Variants in WWOX observed in about 807,000 individuals in gnomAD.
WWOX encodes the protein WW domain containing oxidoreductase, also known as WW domain-containing oxidoreductase.
Under a neutral mutation model 46.2 loss-of-function variants are expected in WWOX, and 69 were observed. That is an observed-to-expected ratio of 1.49 (90% confidence interval 1.23 to 1.82). WWOX has a LOEUF of 1.82. Ranked by LOEUF, WWOX falls within the 40% of genes most tolerant of loss-of-function variation. WWOX has a pLI of 0.00. For synonymous variants in WWOX, 359 were observed against 202.6 expected (o/e 1.77, Z -6.56); for missense variants, 919 against 542.6 (o/e 1.69, Z -6.89).
intron 8 of WWOX, among the ~76,000 whole-genome samples, chr16:79,039,071 A>G (rs1389772464): frequency 6.6e-6 from 1 of 152,134 alleles, no homozygotes; most frequent in Non-Finnish European, 1.5e-5. Flanking sequence ...TAAATTTAAC[A>G]TGGATAAACT....
chr16:78,749,537 C>G (rs534865261), intron 8 of WWOX, among the ~76,000 whole-genome samples: 1 of 151,980 alleles, frequency 6.6e-6, no homozygotes, highest in Non-Finnish European at 1.5e-5. Flanking sequence ...TTGTTTTACC[C>G]TAGGGCTATG....
At chr16:78,710,488 A>ATATATATATATATATATATATATATATT (rs2048418795) in intron 8 of WWOX, among the ~76,000 whole-genome samples, 2 of 133,652 alleles carry the variant, frequency 1.5e-5, no homozygotes, top group Non-Finnish European at 3.2e-5. Context: ...ATATATATAT[A>ATATATATATATATATATATATATATATT]TATATATATA....
chr16:78,375,208 T>A (rs148199754), intron 5 of WWOX, among the ~76,000 whole-genome samples: 2 of 152,346 alleles, frequency 1.3e-5, no homozygotes, highest in African/African-American at 4.8e-5. Context: ...TTCTCAAGCG[T>A]GACGATACTG....
At chr16:78,864,589 C>T (rs1222873634) in intron 8 of WWOX, among the ~76,000 whole-genome samples, 1 of 151,680 alleles carries the variant, frequency 6.6e-6, no homozygotes, top group African/African-American at 2.4e-5. Flanking sequence ...CTTTTTGAAA[C>T]AGGGCTGCAC....
chr16:79,186,806 G>A (rs1321302459), intron 8 of WWOX, among the ~76,000 whole-genome samples: 1 of 151,956 alleles, frequency 6.6e-6, no homozygotes, highest in African/African-American at 2.4e-5. Flanking sequence ...AGGAAACTGG[G>A]GGTCAGGGAA....
intron 8 of WWOX, among the ~76,000 whole-genome samples, chr16:79,193,147 G>T (rs1377330330): frequency 6.6e-6 from 1 of 152,168 alleles, no homozygotes; most frequent in African/African-American, 2.4e-5. Context: ...GGTGCTTTCT[G>T]CTGGAATCTC....
At chr16:79,095,096 G>T (rs144087264) in intron 8 of WWOX, among the ~76,000 whole-genome samples, 119 of 152,236 alleles carry the variant, frequency 7.8e-4, no homozygotes, top group African/African-American at 2.8e-3. Flanking sequence ...CCCCAGCCCC[G>T]TTCTATTGCA....
intron 8 of WWOX, among the ~76,000 whole-genome samples, chr16:78,919,143 G>A (rs889155343): frequency 1.3e-5 from 2 of 152,066 alleles, no homozygotes; most frequent in Non-Finnish European, 2.9e-5. Flanking sequence ...AACAATGACC[G>A]CAATAACCAA....
intron 8 of WWOX, among the ~76,000 whole-genome samples, chr16:78,554,887 A>T (rs965378724): frequency 3.9e-5 from 6 of 152,168 alleles, no homozygotes; most frequent in Non-Finnish European, 5.9e-5. Context: ...GAGACAATCC[A>T]TTCCTTTCAC....
intron 8 of WWOX, among the ~76,000 whole-genome samples, chr16:78,589,418 T>C (rs569174448): frequency 2.0e-5 from 3 of 152,316 alleles, no homozygotes; most frequent in African/African-American, 7.2e-5. Flanking sequence ...AGAGGTTGTC[T>C]TGAAGGGGGC....
intron 5 of WWOX, among the ~76,000 whole-genome samples, chr16:78,383,469 CT>C (rs1257214468): frequency 6.6e-6 from 1 of 152,144 alleles, no homozygotes; most frequent in African/African-American, 2.4e-5. Context: ...ACTGCCAGAC[CT>C]GGGAGGAAAT....
intron 8 of WWOX, among the ~76,000 whole-genome samples, chr16:78,743,197 C>A (rs187276977): frequency 6.6e-6 from 1 of 152,190 alleles, no homozygotes; most frequent in Admixed American, 6.5e-5. Flanking sequence ...GCAGAGGAGG[C>A]CACTCTTTCT....
At chr16:78,547,840 T>C (rs573419970) in intron 8 of WWOX, among the ~76,000 whole-genome samples, 12 of 151,872 alleles carry the variant, frequency 7.9e-5, no homozygotes, top group Non-Finnish European at 1.6e-4. Flanking sequence ...CCTCCTAATA[T>C]ATTATATTGG....
At chr16:79,009,378 C>G (rs939630480) in intron 8 of WWOX, among the ~76,000 whole-genome samples, 1 of 152,124 alleles carries the variant, frequency 6.6e-6, no homozygotes, top group African/African-American at 2.4e-5. Flanking sequence ...GGAGCTCTAA[C>G]TGGGGGCAAG....
intron 8 of WWOX, among the ~76,000 whole-genome samples, chr16:78,805,391 G>T (rs1435106323): frequency 1.3e-5 from 2 of 151,898 alleles, no homozygotes; most frequent in East Asian, 3.9e-4. Flanking sequence ...CTCCGGAGTA[G>T]CTGGGACTAC....
At chr16:78,605,145 A>C (rs1298181772) in intron 8 of WWOX, among the ~76,000 whole-genome samples, 5 of 148,862 alleles carry the variant, frequency 3.4e-5, no homozygotes, top group Middle Eastern at 3.3e-3. Context: ...TTTTTTCTCT[A>C]CTAGACCTTC....
At chr16:78,604,379 G>C (rs1279092809) in intron 8 of WWOX, among the ~76,000 whole-genome samples, 4 of 152,016 alleles carry the variant, frequency 2.6e-5, no homozygotes, top group Admixed American at 6.6e-5. Flanking sequence ...ATGGGCCCTC[G>C]TTTATTCAGC....
intron 8 of WWOX, among the ~76,000 whole-genome samples, chr16:79,150,782 C>T (rs1048580738): frequency 2.6e-5 from 4 of 152,198 alleles, no homozygotes; most frequent in Admixed American, 6.5e-5. Context: ...GCCGGGACTA[C>T]AGGCGTGTGT....
At chr16:78,492,993 G>A (rs2084823129) in intron 8 of WWOX, among the ~76,000 whole-genome samples, 1 of 152,064 alleles carries the variant, frequency 6.6e-6, no homozygotes, top group African/African-American at 2.4e-5. Flanking sequence ...TAGTCAGCAT[G>A]GGAGATACTC....
Sources: allele counts gnomAD v4.1 joint callset (sites outside exome capture counted in the v4.1 genomes callset), GRCh38; gene constraint gnomAD v4.1.1; transcripts MANE v1.5; gene names NCBI Gene and HGNC (gene_info 2026-07-23, HGNC 2026-07-21).